The following CWC25 variants were observed in gnomAD, a reference collection of about 807,000 sequenced individuals.
The protein encoded by CWC25 is pre-mRNA-splicing factor CWC25 homolog.
Under a neutral mutation model 54.6 loss-of-function variants are expected in CWC25, and 31 were observed. The observed-to-expected ratio is 0.57, with a 90% confidence interval of 0.43 to 0.77. The LOEUF is 0.77. CWC25 is among the 30% of genes least tolerant of loss of function. The pLI is 0.00. For missense variants in CWC25, 453 were observed against 529.3 expected, an observed-to-expected ratio of 0.86 and a Z score of 1.41; for synonymous variants, 151 against 187.0, an observed-to-expected ratio of 0.81 and a Z score of 1.57.
chr17:38,817,227 C>CG (rs1265140552), intron 2 of CWC25, among the ~76,000 whole-genome samples: 8 of 150,780 alleles, frequency 5.3e-5, no homozygotes, highest in African/African-American at 2.0e-4. Flanking sequence ...GTAGTCCCAG[C>CG]TACTCGGGAG....
At chr17:38,819,351 C>T (rs1159600397) in intron 2 of CWC25, among the ~76,000 whole-genome samples, 1 of 149,834 alleles carries the variant, frequency 6.7e-6, no homozygotes, top group African/African-American at 2.4e-5. Flanking sequence ...AGGCATGTGC[C>T]ACCATGCCTG....
chr17:38,822,802 T>C (rs1004864781), intron 1 of CWC25, among the ~76,000 whole-genome samples: 2 of 150,964 alleles, frequency 1.3e-5, no homozygotes, highest in Non-Finnish European at 1.5e-5. Context: ...ATAAGGGCCT[T>C]ATAAGCCATG....
chr17:38,823,782 GCTCCCC>G (rs1912025099), intron 1 of CWC25, among the ~76,000 whole-genome samples: 1 of 152,002 alleles, frequency 6.6e-6, no homozygotes. Flanking sequence ...AGATTATTTT[GCTCCCC>G]AGGGAGAAAA....
At chr17:38,822,683 G>A (rs1911970397) in intron 1 of CWC25, among the ~76,000 whole-genome samples, 1 of 152,138 alleles carries the variant, frequency 6.6e-6, no homozygotes, top group Non-Finnish European at 1.5e-5. Flanking sequence ...GTACAGACAA[G>A]TGCAGTCCTG....
intron 2 of CWC25, among the ~76,000 whole-genome samples, chr17:38,816,943 A>G (rs2143588697): frequency 6.6e-6 from 1 of 151,622 alleles, no homozygotes; most frequent in Admixed American, 6.6e-5. Context: ...TGGCCTCCCA[A>G]AGTGCTGGGA....
Position 38,807,927 on chromosome 17 carries a change from G to A in CWC25, c.691-951C>T. Among the ~76,000 whole-genome samples the A allele has an allele frequency of 1.5e-5, 2 of 137,330 alleles. 1 individual carries two copies. Among genetic ancestry groups the A allele is most frequent in the Non-Finnish European group, 3.2e-5 (2 of 62,652 alleles). 90.1% of individuals were successfully genotyped at this position (137,330 alleles called of 152,430 possible). On this transcript the variant is annotated intron_variant, in intron 6 of 9. Coordinates refer to ENST00000614790, the MANE Select transcript of CWC25 (RefSeq NM_017748.5). The stretch of plus-strand genomic sequence containing the variant: ...CAAAATAATTAGCTGGGCATGGTGG[G>A]CACCTGTAGTCCCAGCTACTTGGGA...
rs1174618800 is a variant in CWC25 at position 38,806,414 on chromosome 17, G to A, written c.903-19C>T. Reference sequence around the variant, plus strand: ...GTTGTGCCTGTAGCAGACACAGAAGGCAAAGAGGAAAAAGCCTTTTTGGTC... The same window carrying A: ...GTTGTGCCTGTAGCAGACACAGAAGACAAAGAGGAAAAAGCCTTTTTGGTC... On this transcript the variant is annotated intron_variant, in intron 7 of 9. Transcript: ENST00000614790. 6 of 1,607,034 alleles carry A rather than the reference G, an allele frequency of 3.7e-6. No homozygotes were observed. The East Asian group carries it at 6.7e-5, about 18-fold the overall frequency.
intron 2 of CWC25, among the ~76,000 whole-genome samples, chr17:38,818,558 C>T (rs1911794490): frequency 7.7e-6 from 1 of 130,062 alleles, no homozygotes; most frequent in South Asian, 2.4e-4. Flanking sequence ...TGCTGCACTC[C>T]AGCCTGGACA....
intron 1 of CWC25, among the ~76,000 whole-genome samples, chr17:38,822,962 T>G (rs1300590169): frequency 7.0e-6 from 1 of 143,446 alleles, no homozygotes; most frequent in Non-Finnish European, 1.5e-5. Context: ...CTCAGCCTCC[T>G]GAGTAGCTGG....
intron 2 of CWC25, among the ~76,000 whole-genome samples, chr17:38,819,980 T>C (rs1346228270): frequency 6.6e-6 from 1 of 151,638 alleles, no homozygotes; most frequent in African/African-American, 2.4e-5. Context: ...CTAATTTTTT[T>C]CTATTGTTTT....
At chr17:38,819,685 G>A (rs1410693726) in intron 2 of CWC25, among the ~76,000 whole-genome samples, 3 of 143,910 alleles carry the variant, frequency 2.1e-5, no homozygotes, top group Admixed American at 2.1e-4. Flanking sequence ...TTTTTTTTTT[G>A]TTTGTTCGTT....
intron 8 of CWC25, among the ~76,000 whole-genome samples, chr17:38,805,014 G>A (rs557892406): frequency 6.6e-6 from 1 of 152,162 alleles, no homozygotes; most frequent in East Asian, 1.9e-4. Context: ...GGCTGAGGCA[G>A]GAGAATCACT....
intron 2 of CWC25, among the ~76,000 whole-genome samples, chr17:38,819,340 C>T (rs573683705): frequency 8.7e-5 from 13 of 150,114 alleles, no homozygotes; most frequent in Admixed American, 2.0e-4. Context: ...GCTGGGATTA[C>T]AGGCATGTGC....
intron 8 of CWC25, among the ~76,000 whole-genome samples, chr17:38,804,799 C>CAAAAAAA (rs4042818): frequency 3.1e-5 from 2 of 64,766 alleles, no homozygotes; most frequent in Non-Finnish European, 6.4e-5. Context: ...CAGAGCGAGA[C>CAAAAAAA]AAAAAAAAAA....
intron 2 of CWC25, among the ~76,000 whole-genome samples, chr17:38,817,068 C>T (rs552250710): frequency 7.9e-5 from 12 of 151,204 alleles, no homozygotes; most frequent in East Asian, 2.0e-4. Flanking sequence ...CAGCTGGGCA[C>T]GGTGGCTCAC....
At chr17:38,815,636 T>G in intron 2 of CWC25, 2 of 1,281,614 alleles carry the variant, frequency 1.6e-6, no homozygotes. Context: ...TAAAGCAATT[T>G]ATAAGGAAAA....
intron 2 of CWC25, among the ~76,000 whole-genome samples, chr17:38,817,951 G>C (rs1051296283): frequency 6.7e-6 from 1 of 149,474 alleles, no homozygotes; most frequent in Non-Finnish European, 1.5e-5. Context: ...GGGAGACAGA[G>C]CAAGACTCTG....
chr17:38,802,090 T>C lies in CWC25; in HGVS notation c.*2A>G, dbSNP rs1009603962. ...GAAAACCAATAAGAGAGGGGACAGT[T>C]TTCATCTTTTCATAAAGTTCTTCTC... On this transcript the variant is annotated 3_prime_UTR_variant, in exon 10 of 10. Coordinates refer to ENST00000614790, the MANE Select transcript of CWC25 (RefSeq NM_017748.5). 3 of 1,595,124 alleles carry C rather than the reference T, an allele frequency of 1.9e-6. No individual in the cohort carries two copies. The highest frequency in any genetic ancestry group is 2.6e-6 in the Non-Finnish European group (3 of 1,163,064).
chr17:38,815,009 T>G lies in CWC25; in HGVS notation c.280A>C (p.Lys94Gln). The change falls in exon 3 of 10, where the codon AAA becomes CAA. Residue 94 changes from lysine (K) to glutamine (Q), a missense_variant. Lys to Gln is a moderately conservative substitution (Grantham distance 53, BLOSUM62 1). Around this residue, in one of 2 missense-constraint regions of CWC25, gnomAD observed 444 missense variants for 499.2 expected, o/e 0.89. Coordinates refer to ENST00000614790, the MANE Select transcript of CWC25 (RefSeq NM_017748.5). Reference protein sequence around the residue: ...DEYLLGRPIDKYVFEKMEEKE... With the variant: ...DEYLLGRPIDQYVFEKMEEKE... Reference sequence around the variant, plus strand: ...TCCTCCATCTTCTCAAAAACATATTTGTCAATGGGGCGCCCCAGCAGGTAC... The same window carrying G: ...TCCTCCATCTTCTCAAAAACATATTGGTCAATGGGGCGCCCCAGCAGGTAC... 1 of 1,613,898 alleles carries G rather than the reference T, an allele frequency of 6.2e-7. No individual in the cohort carries two copies. Among genetic ancestry groups the G allele is most frequent in the Non-Finnish European group, 8.5e-7 (1 of 1,179,884 alleles).
Sources: allele counts gnomAD v4.1 joint callset (sites outside exome capture counted in the v4.1 genomes callset), GRCh38; gene constraint gnomAD v4.1.1; regional missense constraint gnomAD v4.1.1; transcripts MANE v1.5; gene names NCBI Gene and HGNC (gene_info 2026-07-23, HGNC 2026-07-21).